Variants in THSD7B observed in about 807,000 individuals in gnomAD.
The protein encoded by THSD7B is thrombospondin type 1 domain containing 7B, also known as thrombospondin type-1 domain-containing protein 7B.
Under a neutral mutation model 213.6 loss-of-function variants are expected in THSD7B, and 138 were observed. That is an observed-to-expected ratio of 0.65 (90% CI 0.56 to 0.74). The LOEUF (loss-of-function observed/expected upper bound fraction) is 0.74. Ranked by LOEUF, THSD7B falls within the 30% of genes least tolerant of loss-of-function variation. The pLI, the probability that THSD7B is intolerant of heterozygous loss-of-function variation, is 0.00. For synonymous variants in THSD7B, 742 were observed against 687.0 expected (o/e 1.08, Z -1.25); for missense variants, 1,931 against 1,991.5 (o/e 0.97, Z 0.58).
intron 2 of THSD7B, among the ~76,000 whole-genome samples, chr2:136,988,111 G>A (rs184857694): frequency 7.2e-5 from 11 of 152,190 alleles, no homozygotes; most frequent in South Asian, 2.1e-4. Flanking sequence ...GAATATGGCC[G>A]TCTCCCCAGT....
At chr2:137,373,549 GT>G (rs1381944392) in intron 12 of THSD7B, among the ~76,000 whole-genome samples, 1 of 152,084 alleles carries the variant, frequency 6.6e-6, no homozygotes, top group African/African-American at 2.4e-5. Flanking sequence ...GGGGTTGTTT[GT>G]TTTTTTCTTG....
chr2:136,876,104 C>T (rs1459525920), intron 1 of THSD7B, among the ~76,000 whole-genome samples: 1 of 152,036 alleles, frequency 6.6e-6, no homozygotes, highest in Admixed American at 6.5e-5. Flanking sequence ...GATTTTGTTT[C>T]ATGAAAAAAA....
chr2:137,575,364 C>A (rs1198103007), intron 17 of THSD7B, among the ~76,000 whole-genome samples: 1 of 151,948 alleles, frequency 6.6e-6, no homozygotes, highest in African/African-American at 2.4e-5. Context: ...CAGGAAAGAT[C>A]CCTTCCCCTG....
chr2:137,647,861 C>T (rs1169694079), intron 21 of THSD7B, among the ~76,000 whole-genome samples: 1 of 152,098 alleles, frequency 6.6e-6, no homozygotes, highest in Non-Finnish European at 1.5e-5. Context: ...GTTAGCGTCC[C>T]CTCCTTTCCT....
intron 3 of THSD7B, among the ~76,000 whole-genome samples, chr2:137,072,373 T>C (rs1022894713): frequency 1.3e-5 from 2 of 151,966 alleles, no homozygotes. Context: ...GAAGCAGTTG[T>C]GAATGGGAGT....
chr2:136,990,961 G>C (rs377339859), intron 2 of THSD7B: 511 of 1,328,086 alleles, frequency 3.8e-4, no homozygotes, highest in Non-Finnish European at 5.0e-4. Context: ...ATCAGATGTG[G>C]GAAAGACATC....
intron 12 of THSD7B, among the ~76,000 whole-genome samples, chr2:137,375,746 C>T (rs1685639849): frequency 6.6e-6 from 1 of 152,038 alleles, no homozygotes; most frequent in African/African-American, 2.4e-5. Context: ...TCCAGAGAAA[C>T]CAAAGAAGAT....
At chr2:137,264,287 C>G (rs959105060) in intron 10 of THSD7B, among the ~76,000 whole-genome samples, 2 of 149,668 alleles carry the variant, frequency 1.3e-5, no homozygotes, top group African/African-American at 4.9e-5. Flanking sequence ...GAGTCTCGCT[C>G]TCTTGCCCAG....
chr2:137,469,617 G>A (rs1039889621), intron 15 of THSD7B, among the ~76,000 whole-genome samples: 11 of 152,172 alleles, frequency 7.2e-5, no homozygotes, highest in Non-Finnish European at 1.6e-4. Flanking sequence ...ACAGCTGGGG[G>A]AAATTGATAT....
intron 13 of THSD7B, among the ~76,000 whole-genome samples, chr2:137,406,946 G>T (rs1257988992): frequency 6.6e-6 from 1 of 152,172 alleles, no homozygotes; most frequent in Non-Finnish European, 1.5e-5. Context: ...AAGTTCAGGG[G>T]CCAATGAATG....
At chr2:137,675,089 C>T (rs11884710) in intron 27 of THSD7B, among the ~76,000 whole-genome samples, 139,910 of 152,000 alleles carry the variant, frequency 0.92, 64,837 homozygotes, top group East Asian at 0.98. Context: ...CACAATAGAC[C>T]AGATACAGCA....
At chr2:136,883,179 A>T (rs1250281999) in intron 2 of THSD7B, among the ~76,000 whole-genome samples, 1 of 152,134 alleles carries the variant, frequency 6.6e-6, no homozygotes, top group Non-Finnish European at 1.5e-5. Flanking sequence ...GTTATAGAAG[A>T]TCTATGGTCC....
At chr2:137,284,248 C>T (rs996225046) in intron 12 of THSD7B, among the ~76,000 whole-genome samples, 8 of 151,898 alleles carry the variant, frequency 5.3e-5, no homozygotes, top group Non-Finnish European at 8.8e-5. Flanking sequence ...TGGTGATATC[C>T]CCTTTGTCAT....
In THSD7B at chr2:136,851,349, C is replaced by T. The variant is rs947071681; in HGVS notation, c.-35-30795C>T. ...TGGTATATAGCTCTTCATTCCACTC[C>T]CCATGTCTCTTAACAGCAGCACCTT... On this transcript the variant is annotated intron_variant, in intron 1 of 27. Transcript: ENST00000409968. Among the ~76,000 whole-genome samples, 58 of 151,954 alleles carry T rather than the reference C, an allele frequency of 3.8e-4. 2 individuals are homozygous for T. The highest frequency in any genetic ancestry group is 4.4e-5 in the Non-Finnish European group (3 of 67,970).
intron 5 of THSD7B, among the ~76,000 whole-genome samples, chr2:137,148,177 C>A (rs890199952): frequency 6.6e-6 from 1 of 152,094 alleles, no homozygotes; most frequent in African/African-American, 2.4e-5. Context: ...TTATAAAGGA[C>A]TTTTCCCCCT....
At chr2:137,414,156 C>G (rs1281919843) in intron 14 of THSD7B, among the ~76,000 whole-genome samples, 1 of 152,024 alleles carries the variant, frequency 6.6e-6, no homozygotes, top group Non-Finnish European at 1.5e-5. Flanking sequence ...ATAGCAAAAG[C>G]TATTAGGGAA....
At chr2:137,423,783 C>T (rs1206055227) in intron 14 of THSD7B, among the ~76,000 whole-genome samples, 1 of 151,954 alleles carries the variant, frequency 6.6e-6, no homozygotes, top group Non-Finnish European at 1.5e-5. Flanking sequence ...AAAAGCTTAG[C>T]TAGCTTTTTT....
chr2:137,622,995 T>C (rs113696959), intron 20 of THSD7B, among the ~76,000 whole-genome samples: 3,481 of 152,288 alleles, frequency 0.023, 144 homozygotes, highest in African/African-American at 0.079. Context: ...AGCATCATCC[T>C]GATACCAAAG....
At chr2:136,926,705 G>A (rs199849507) in intron 2 of THSD7B, among the ~76,000 whole-genome samples, 4 of 148,908 alleles carry the variant, frequency 2.7e-5, no homozygotes, top group African/African-American at 4.9e-5. Context: ...AAAAGAAAAA[G>A]AAAAAAAAAA....
Sources: allele counts gnomAD v4.1 joint callset (sites outside exome capture counted in the v4.1 genomes callset), GRCh38; gene constraint gnomAD v4.1.1; transcripts MANE v1.5; gene names NCBI Gene and HGNC (gene_info 2026-07-23, HGNC 2026-07-21).